Variants in MCPH1 observed in about 807,000 individuals in gnomAD.
MCPH1 encodes microcephalin 1, also known as microcephalin.
A neutral mutation model predicts 84.5 loss-of-function variants in MCPH1; 104 were observed. The ratio of observed to expected loss-of-function variants is 1.23; its 90% CI spans 1.05 to 1.45. MCPH1 has a LOEUF of 1.45. Among genes scored for constraint, MCPH1 ranks in the 40% most tolerant of loss-of-function variants. The probability of loss-of-function intolerance (pLI) is 0.00; values close to 1 mark genes in which losing one functional copy is unlikely to be tolerated. For synonymous variants in MCPH1, 514 were observed against 366.8 expected (o/e 1.40, Z -4.58); for missense variants, 1,498 against 1,005.7 (o/e 1.49, Z -6.62).
intron 12 of MCPH1, among the ~76,000 whole-genome samples, chr8:6,609,736 C>T (rs561879930): frequency 6.6e-6 from 1 of 152,192 alleles, no homozygotes; most frequent in East Asian, 1.9e-4. Context: ...CTTCTCATTT[C>T]CCAGGCCTCG....
At chr8:6,412,158 G>C (rs1361011618) in intron 2 of MCPH1, among the ~76,000 whole-genome samples, 1 of 152,156 alleles carries the variant, frequency 6.6e-6, no homozygotes, top group Non-Finnish European at 1.5e-5. Flanking sequence ...TCAGTGGAGA[G>C]GAATCCGAAT....
chr8:6,470,369 C>T (rs1032698657), intron 9 of MCPH1, among the ~76,000 whole-genome samples: 5 of 152,048 alleles, frequency 3.3e-5, no homozygotes, highest in African/African-American at 4.8e-5. Flanking sequence ...CTGCAACTTC[C>T]GTCTCCCGGG....
rs762003222 is a variant in MCPH1, at chr8:6,647,879, G to C, written c.*4830G>C. ...TCAATGAACAGAACACTTTTAATGG[G>C]TAAGCCTTAAGGCATGTGAATTATA... On this transcript the variant is annotated 3_prime_UTR_variant, in exon 14 of 14. Coordinates refer to ENST00000344683, the MANE Select transcript of MCPH1 (RefSeq NM_024596.5). The C allele has an allele frequency of 6.6e-6, 1 of 152,130 alleles. No individual in the cohort carries two copies. Among genetic ancestry groups the C allele is most frequent in the Non-Finnish European group, 1.5e-5 (1 of 68,034 alleles). 9.4% of individuals were successfully genotyped at this position (152,130 alleles called of 1,614,324 possible). A position where few individuals can be genotyped will look rare whatever the true frequency, so the allele number is the denominator to read the frequency against.
chr8:6,516,801 A>G (rs1279714572), intron 12 of MCPH1, among the ~76,000 whole-genome samples: 9 of 152,180 alleles, frequency 5.9e-5, no homozygotes, highest in African/African-American at 7.2e-5. Context: ...AATTACTGCT[A>G]TGAAGTTACC....
At chr8:6,469,189 A>C (rs992431475) in intron 9 of MCPH1, among the ~76,000 whole-genome samples, 1 of 152,202 alleles carries the variant, frequency 6.6e-6, no homozygotes, top group African/African-American at 2.4e-5. Flanking sequence ...AAAATAAACA[A>C]AAAAGAAACT....
intron 12 of MCPH1, among the ~76,000 whole-genome samples, chr8:6,538,463 A>G (rs1391376732): frequency 6.6e-6 from 1 of 152,178 alleles, no homozygotes; most frequent in Non-Finnish European, 1.5e-5. Flanking sequence ...TTGCCTGAGG[A>G]TAAGGTCCAG....
At chr8:6,588,193 C>G (rs1263950369) in intron 12 of MCPH1, among the ~76,000 whole-genome samples, 1 of 152,118 alleles carries the variant, frequency 6.6e-6, no homozygotes, top group Non-Finnish European at 1.5e-5. Context: ...TGCCTCCTGT[C>G]CCCTCCACCT....
intron 12 of MCPH1, among the ~76,000 whole-genome samples, chr8:6,548,280 G>A (rs73664544): frequency 6.6e-6 from 1 of 152,156 alleles, no homozygotes. Context: ...CAGGTGGTGT[G>A]TGTAGACCTG....
At chr8:6,605,483 A>G (rs1364841811) in intron 12 of MCPH1, among the ~76,000 whole-genome samples, 3 of 152,200 alleles carry the variant, frequency 2.0e-5, no homozygotes, top group Non-Finnish European at 2.9e-5. Flanking sequence ...AAATCATGGA[A>G]ACGAACAATA....
intron 12 of MCPH1, among the ~76,000 whole-genome samples, chr8:6,534,433 C>G (rs1355991954): frequency 6.6e-6 from 1 of 152,046 alleles, no homozygotes; most frequent in Non-Finnish European, 1.5e-5. Context: ...ATCAGTCCCC[C>G]ACAGACATCA....
At chr8:6,622,018 G>A (rs1831481106) in intron 13 of MCPH1, 1 of 409,546 alleles carries the variant, frequency 2.4e-6, no homozygotes, top group African/African-American at 2.1e-5. Context: ...ACCCCTCTTA[G>A]ACCCTCCCTC....
intron 3 of MCPH1, among the ~76,000 whole-genome samples, chr8:6,423,185 C>CTTTTTTTT (rs374999485): frequency 1.3e-4 from 14 of 110,798 alleles, no homozygotes; most frequent in Non-Finnish European, 2.4e-4. Context: ...TTTTTCTTTT[C>CTTTTTTTT]TTTTCTTTTT....
At chr8:6,609,270 C>T (rs894785587) in intron 12 of MCPH1, among the ~76,000 whole-genome samples, 40 of 152,198 alleles carry the variant, frequency 2.6e-4, no homozygotes, top group African/African-American at 9.4e-4. Flanking sequence ...ACCACCAAAG[C>T]GCATGGACGG....
intron 9 of MCPH1, among the ~76,000 whole-genome samples, chr8:6,460,771 GGGA>G (rs1806194576): frequency 6.6e-6 from 1 of 152,004 alleles, no homozygotes; most frequent in Non-Finnish European, 1.5e-5. Context: ...GCTGTCCCCT[GGGA>G]GTGTGGGCTT....
At chr8:6,557,536 A>T (rs1824832520) in intron 12 of MCPH1, among the ~76,000 whole-genome samples, 1 of 152,178 alleles carries the variant, frequency 6.6e-6, no homozygotes, top group Admixed American at 6.5e-5. Flanking sequence ...CCAAAGGAGG[A>T]TGTAGTGAAA....
Position 6,409,296 on chromosome 8 carries a change from G to C in MCPH1, c.40G>C (p.Glu14Gln). ...PILKDVVAYV[E>Q]VWSSNGTENY... ...GTTTTCAGATGTAGTGGCCTATGTT[G>C]AAGTGTGGTCATCCAATGGAACAGA... is the stretch of plus-strand genomic sequence containing the variant. The change falls in exon 2 of 14, where the codon GAA becomes CAA. Residue 14 changes from glutamate (E) to glutamine (Q), a missense_variant. Coordinates refer to ENST00000344683, the MANE Select transcript of MCPH1 (RefSeq NM_024596.5). 6.2e-7 allele frequency: 1 copy of C among 1,613,794 alleles called. No homozygotes were observed. Among genetic ancestry groups the C allele is most frequent in the Non-Finnish European group, 8.5e-7 (1 of 1,179,688 alleles).
At chr8:6,505,503 GTATATATAGAATAT>G (rs1563307556) in intron 12 of MCPH1, among the ~76,000 whole-genome samples, 898 of 3,988 alleles carry the variant, frequency 0.23, 141 homozygotes, top group African/African-American at 0.36. Context: ...CTTTATATAT[GTATATATAGAATAT>G]ATATTCTTTA....
intron 12 of MCPH1, chr8:6,519,789 T>G: frequency 6.5e-7 from 1 of 1,539,558 alleles, no homozygotes; most frequent in Admixed American, 1.7e-5. Flanking sequence ...GAGAGACTTC[T>G]GCTCTCTGGT....
At chr8:6,418,522 C>G (rs1562712) in intron 3 of MCPH1, among the ~76,000 whole-genome samples, 10,164 of 152,192 alleles carry the variant, frequency 0.067, 850 homozygotes, top group African/African-American at 0.19. Context: ...TGATGCCAGT[C>G]TAATTCTTCT....
Sources: gnomAD v4.1 joint callset for allele counts (sites outside exome capture counted in the v4.1 genomes callset) on GRCh38, gnomAD v4.1.1 for gene constraint, MANE v1.5 for transcripts, NCBI Gene and HGNC (gene_info 2026-07-23, HGNC 2026-07-21) for gene names.